Variants in CLDN10 observed in about 807,000 individuals in gnomAD.
The protein encoded by CLDN10 is claudin 10.
Under a neutral mutation model 22.9 loss-of-function variants are expected in CLDN10, and 15 were observed. That is an observed-to-expected ratio of 0.65 (90% CI 0.44 to 1.01). CLDN10 has a LOEUF of 1.01. Ranked by LOEUF, CLDN10 falls within the 50% of genes least tolerant of loss-of-function variation. CLDN10 has a pLI of 0.00. For missense variants in CLDN10, 247 were observed against 287.8 expected (o/e 0.86, Z 1.03); for synonymous variants, 114 against 111.4 (o/e 1.02, Z -0.15).
intron 1 of CLDN10, among the ~76,000 whole-genome samples, chr13:95,536,260 A>C (rs2138615323): frequency 6.6e-6 from 1 of 151,978 alleles, no homozygotes; most frequent in East Asian, 1.9e-4. Context: ...AGACCAACCT[A>C]GTCACATGGT....
intron 1 of CLDN10, among the ~76,000 whole-genome samples, chr13:95,531,597 C>A (rs564309818): frequency 9.2e-5 from 14 of 152,172 alleles, no homozygotes; most frequent in African/African-American, 3.1e-4. Flanking sequence ...GTGGTGCAAT[C>A]TTGGCTCATT....
At chr13:95,547,764 C>T (rs1269255296), upstream of CLDN10, among the ~76,000 whole-genome samples, 1 of 152,244 alleles carries the variant, frequency 6.6e-6, no homozygotes, top group Non-Finnish European at 1.5e-5. Flanking sequence ...TGCCTTATCA[C>T]ATTTCTCCTA....
chr13:95,517,370 A>C (rs9561893), intron 1 of CLDN10, among the ~76,000 whole-genome samples: 59,374 of 151,926 alleles, frequency 0.39, 11,853 homozygotes, highest in African/African-American at 0.45. Context: ...ACACCCCCCG[A>C]ACCTAGGGAT....
At chr13:95,469,745 T>C (rs1305103814) in intron 1 of CLDN10, among the ~76,000 whole-genome samples, 1 of 152,206 alleles carries the variant, frequency 6.6e-6, no homozygotes, top group Non-Finnish European at 1.5e-5. Flanking sequence ...AAGTTCAATC[T>C]CAAGACTGAA....
intron 1 of CLDN10, among the ~76,000 whole-genome samples, chr13:95,479,040 A>G (rs2042714014): frequency 6.6e-6 from 1 of 152,238 alleles, no homozygotes; most frequent in Admixed American, 6.5e-5. Context: ...GGTAGAAGAT[A>G]ACAAGCTTCC....
chr13:95,446,884 G>T (rs1001816022), intron 1 of CLDN10, among the ~76,000 whole-genome samples: 1 of 151,782 alleles, frequency 6.6e-6, no homozygotes, highest in African/African-American at 2.4e-5. Flanking sequence ...GAAACACATA[G>T]CTCTCCATCT....
chr13:95,433,867 G>T (rs2042236831), exon 1 of CLDN10: 1 of 1,614,050 alleles, frequency 6.2e-7, no homozygotes, highest in African/African-American at 1.3e-5. Flanking sequence ...TCTGGTGTCT[G>T]GTGTCGGAGG....
chr13:95,507,606 G>T (rs893107661), intron 1 of CLDN10, among the ~76,000 whole-genome samples: 2 of 151,270 alleles, frequency 1.3e-5, no homozygotes, highest in African/African-American at 4.9e-5. Context: ...GGGCAACATA[G>T]TGACACCTGC....
intron 1 of CLDN10, among the ~76,000 whole-genome samples, chr13:95,447,096 G>T (rs1434080464): frequency 6.6e-6 from 1 of 152,192 alleles, no homozygotes; most frequent in African/African-American, 2.4e-5. Context: ...TATAGTCCAT[G>T]CATAAAAACG....
intron 1 of CLDN10, among the ~76,000 whole-genome samples, chr13:95,519,814 A>T (rs541566972): frequency 6.6e-6 from 1 of 152,328 alleles, no homozygotes; most frequent in South Asian, 2.1e-4. Flanking sequence ...ACATACTGGG[A>T]GCATCTCTGG....
intron 3 of CLDN10, among the ~76,000 whole-genome samples, chr13:95,563,745 T>C (rs1188743469): frequency 1.3e-5 from 2 of 152,176 alleles, no homozygotes; most frequent in Non-Finnish European, 2.9e-5. Flanking sequence ...AAAAATGACA[T>C]GACACCCACA....
chr13:95,549,274 A>C (rs564549288), upstream of CLDN10, among the ~76,000 whole-genome samples: 19 of 152,374 alleles, frequency 1.2e-4, no homozygotes, highest in African/African-American at 4.3e-4. Flanking sequence ...TTATATTTAA[A>C]TTAAGAATAG....
intron 1 of CLDN10, among the ~76,000 whole-genome samples, chr13:95,528,071 G>A (rs1345334589): frequency 3.9e-5 from 6 of 152,024 alleles, no homozygotes; most frequent in Admixed American, 2.0e-4. Context: ...TCCTTTCCCT[G>A]TGTGACTGGC....
chr13:95,527,166 T>C (rs1375180061), intron 1 of CLDN10, among the ~76,000 whole-genome samples: 2 of 152,224 alleles, frequency 1.3e-5, no homozygotes, highest in African/African-American at 2.4e-5. Context: ...GGGTTGTTTC[T>C]TGGTTTTCCT....
chr13:95,562,143 G>A (rs2043722231), intron 3 of CLDN10, among the ~76,000 whole-genome samples: 1 of 151,524 alleles, frequency 6.6e-6, no homozygotes, highest in Admixed American at 6.6e-5. Context: ...TTTTGGCCAG[G>A]CTGGTCTCGA....
chr13:95,433,800 G>C (rs1361588416), exon 1 of CLDN10: 2 of 1,610,396 alleles, frequency 1.2e-6, no homozygotes, highest in Non-Finnish European at 1.7e-6. Context: ...AAAGCGTTCT[G>C]ACCGGACAGT....
chr13:95,455,548 G>A (rs908776318), intron 1 of CLDN10, among the ~76,000 whole-genome samples: 18 of 152,142 alleles, frequency 1.2e-4, no homozygotes, highest in South Asian at 2.1e-4. Context: ...ACTTAGCTTC[G>A]TGCATGGTAA....
chr13:95,560,758 C>T (rs963255561), intron 3 of CLDN10: 5 of 313,206 alleles, frequency 1.6e-5, no homozygotes, highest in South Asian at 4.2e-5. Context: ...GTAGAGGAAA[C>T]GTGAAAGGTG....
At chr13:95,496,948 C>T (rs1566301643) in intron 1 of CLDN10, 1 of 152,112 alleles carries the variant, frequency 6.6e-6, no homozygotes, top group Non-Finnish European at 1.5e-5. Flanking sequence ...TGAAAACAGA[C>T]AACCTGAACT....
Sources: allele counts gnomAD v4.1 joint callset (sites outside exome capture counted in the v4.1 genomes callset), GRCh38; gene constraint gnomAD v4.1.1; transcripts MANE v1.5; gene names NCBI Gene and HGNC (gene_info 2026-07-23, HGNC 2026-07-21).